UGT2B7: variants seen among roughly 807,000 people sequenced by gnomAD.
UGT2B7 encodes UDP-glucuronosyltransferase 2B7.
A neutral mutation model predicts 51.9 loss-of-function variants in UGT2B7; 51 were observed. The ratio of observed to expected loss-of-function variants is 0.98; its 90% CI spans 0.78 to 1.24. The LOEUF is 1.24. Ranked by LOEUF, UGT2B7 falls within the 50% of genes most tolerant of loss-of-function variation. UGT2B7 has a pLI of 0.00. For synonymous variants in UGT2B7, 225 were observed against 211.6 expected (o/e 1.06, Z -0.55); for missense variants, 727 against 628.4 (o/e 1.16, Z -1.68).
chr4:69,076,247 CA>C (rs780856860), intron 1 of UGT2B7, among the ~76,000 whole-genome samples: 32 of 152,134 alleles, frequency 2.1e-4, no homozygotes, highest in Non-Finnish European at 1.3e-4. Flanking sequence ...CATATATGTG[CA>C]TGTGTCTTTA....
intron 1 of UGT2B7, among the ~76,000 whole-genome samples, chr4:69,065,120 C>A (rs1472376885): frequency 1.3e-5 from 2 of 152,112 alleles, no homozygotes; most frequent in African/African-American, 4.8e-5. Context: ...TGAAATGTAT[C>A]ATGGAGTTTA....
At position 69,096,623 on chromosome 4, in the gene UGT2B7, C is replaced by T; in HGVS notation, c.103C>T (p.His35Tyr). The T allele has an allele frequency of 1.2e-6, 2 of 1,613,978 alleles. No individual in the cohort carries two copies. Among genetic ancestry groups the T allele is most frequent in the Non-Finnish European group, 1.7e-6 (2 of 1,179,910 alleles). The part of the protein sequence containing the change: ...KVLVWAAEYS[H>Y]WMNIKTILDE... ...GCTGGTGTGGGCAGCAGAATACAGC[C>T]ATTGGATGAATATAAAGACAATCCT... Residue 35 changes from histidine (H) to tyrosine (Y), a missense_variant, in exon 1 of 6, where the codon CAT becomes TAT. His to Tyr is a moderately conservative substitution (Grantham distance 83). Coordinates refer to ENST00000305231, the MANE Select transcript of UGT2B7 (RefSeq NM_001074.4).
At chr4:69,089,268 G>A (rs998447161) in intron 1 of UGT2B7, among the ~76,000 whole-genome samples, 5 of 152,060 alleles carry the variant, frequency 3.3e-5, no homozygotes, top group Admixed American at 6.6e-5. Flanking sequence ...TTTGTGTACC[G>A]TTTCTAGTAC....
intron 1 of UGT2B7, among the ~76,000 whole-genome samples, chr4:69,055,625 C>T (rs776147635): frequency 4.6e-5 from 7 of 152,060 alleles, no homozygotes; most frequent in Non-Finnish European, 7.4e-5. Flanking sequence ...TGCAATTAGC[C>T]GAACACATAG....
chr4:69,051,670 T>G (rs1718019456), intron 1 of UGT2B7: 1 of 152,314 alleles, frequency 6.6e-6, no homozygotes, highest in Non-Finnish European at 1.5e-5. Context: ...ACCCACGGTG[T>G]GCCTGTATTG....
At chr4:69,081,057 T>C (rs930287371) in intron 1 of UGT2B7, among the ~76,000 whole-genome samples, 1 of 152,204 alleles carries the variant, frequency 6.6e-6, no homozygotes. Flanking sequence ...CCAAGGAAGT[T>C]ATAATTATTT....
chr4:69,078,771 C>G (rs1452278902), intron 1 of UGT2B7, among the ~76,000 whole-genome samples: 1 of 152,120 alleles, frequency 6.6e-6, no homozygotes. Flanking sequence ...GAAGCTCTTG[C>G]AGATGTGATC....
chr4:69,112,673 A>G lies in UGT2B7; in HGVS notation c.1527A>G (p.Thr509=). The G allele has an allele frequency of 6.2e-7, 1 of 1,613,966 alleles. No homozygotes were observed. Among genetic ancestry groups the G allele is most frequent in the Non-Finnish European group, 8.5e-7 (1 of 1,179,880 alleles). The part of the protein sequence containing the change: ...VCVATVIFIV[T]KCCLFCFWKF... ...TGGCAACTGTGATATTTATCGTCAC[A>G]AAATGTTGTCTGTTTTGTTTCTGGA... The change falls in exon 6 of 6, where the codon ACA becomes ACG. Residue 509 remains threonine (T), a synonymous_variant. Coordinates refer to ENST00000305231, the MANE Select transcript of UGT2B7 (RefSeq NM_001074.4).
chr4:69,112,980 A>C lies in UGT2B7; in HGVS notation c.*244A>C. 2.2e-6 allele frequency: 1 copy of C among 445,690 alleles called. No individual in the cohort carries two copies. The highest frequency in any genetic ancestry group is 3.2e-5 in the South Asian group (1 of 31,044). The allele number at this position is 445,690 out of a possible 1,614,324, so 27.6% of individuals were successfully genotyped here. A position where few individuals can be genotyped will look rare whatever the true frequency, so the allele number is the denominator to read the frequency against. On this transcript the variant is annotated 3_prime_UTR_variant, in exon 6 of 6. Transcript: ENST00000305231. Reference sequence around the variant, plus strand: ...ACTACGGAAAATAAAAAATAAGATAAAGCCTTATGAGCTCGTATTGAAATT... The same window carrying C: ...ACTACGGAAAATAAAAAATAAGATACAGCCTTATGAGCTCGTATTGAAATT...
chr4:69,086,695 T>C (rs535238835), intron 1 of UGT2B7, among the ~76,000 whole-genome samples: 17 of 152,084 alleles, frequency 1.1e-4, no homozygotes, highest in African/African-American at 4.1e-4. Flanking sequence ...TTTATTCTGT[T>C]GCTCTATGGA....
intron 1 of UGT2B7, among the ~76,000 whole-genome samples, chr4:69,097,480 A>G (rs1719281963): frequency 6.6e-6 from 1 of 152,134 alleles, no homozygotes; most frequent in African/African-American, 2.4e-5. Flanking sequence ...AAACCTATAC[A>G]TTAGTGCATC....
chr4:69,103,166 A>G (rs1719481559), intron 3 of UGT2B7, among the ~76,000 whole-genome samples: 1 of 152,144 alleles, frequency 6.6e-6, no homozygotes, highest in Non-Finnish European at 1.5e-5. Flanking sequence ...CTGACAATAA[A>G]TTGAATGGAG....
chr4:69,081,247 A>G (rs1036108247), intron 1 of UGT2B7, among the ~76,000 whole-genome samples: 6 of 152,180 alleles, frequency 3.9e-5, no homozygotes, highest in African/African-American at 1.4e-4. Flanking sequence ...CACTTTCAGC[A>G]TCAGATGTAG....
chr4:69,083,094 C>T (rs1404769226), intron 1 of UGT2B7, among the ~76,000 whole-genome samples: 2 of 152,014 alleles, frequency 1.3e-5, no homozygotes, highest in Non-Finnish European at 2.9e-5. Flanking sequence ...AAGCATGACT[C>T]ACTGAATATT....
chr4:69,084,109 G>A (rs1371722055), intron 1 of UGT2B7, among the ~76,000 whole-genome samples: 2 of 151,990 alleles, frequency 1.3e-5, no homozygotes, highest in African/African-American at 4.8e-5. Context: ...TTTATCAAAT[G>A]CTTTTTGTGC....
At chr4:69,081,554 C>T (rs74935937) in intron 1 of UGT2B7, among the ~76,000 whole-genome samples, 2,325 of 152,148 alleles carry the variant, frequency 0.015, 61 homozygotes, top group African/African-American at 0.053. Flanking sequence ...CCAATTTCAA[C>T]CAAAATTTTT....
intron 5 of UGT2B7, among the ~76,000 whole-genome samples, chr4:69,112,213 A>C (rs1421679670): frequency 6.6e-6 from 1 of 152,154 alleles, no homozygotes; most frequent in Non-Finnish European, 1.5e-5. Context: ...TTACTGGTGC[A>C]TGCAGCCCCC....
chr4:69,090,877 A>T (rs1719070167), intron 2 of UGT2B7, among the ~76,000 whole-genome samples: 1 of 152,214 alleles, frequency 6.6e-6, no homozygotes, highest in South Asian at 2.1e-4. Context: ...TTGTGTAAGT[A>T]AATTTTGGTC....
chr4:69,104,312 A>G (rs556837775), intron 3 of UGT2B7, among the ~76,000 whole-genome samples: 2 of 152,212 alleles, frequency 1.3e-5, no homozygotes, highest in South Asian at 2.1e-4. Context: ...ACTGTAGTAT[A>G]TTTCAGGATC....
Sources: allele counts gnomAD v4.1 joint callset (sites outside exome capture counted in the v4.1 genomes callset), GRCh38; gene constraint gnomAD v4.1.1; transcripts MANE v1.5; gene names NCBI Gene and HGNC (gene_info 2026-07-23, HGNC 2026-07-21).